Variants in GJB5 observed in about 807,000 individuals in gnomAD.
The protein encoded by GJB5 is gap junction beta-5 protein.
For missense variants in GJB5, 333 were observed against 357.9 expected, an observed-to-expected ratio of 0.93 and a Z score of 0.56; for synonymous variants, 146 against 145.5, an observed-to-expected ratio of 1.00 and a Z score of -0.02.
intron 1 of GJB5, among the ~76,000 whole-genome samples, chr1:34,755,491 G>A (rs1346490002): frequency 6.9e-6 from 1 of 144,350 alleles, no homozygotes; most frequent in African/African-American, 2.8e-5. Context: ...TAAGGGCGGG[G>A]CCTTCCTGGG....
At position 34,757,398 on chromosome 1, in the gene GJB5, T is replaced by G. The variant is rs1431403130; in HGVS notation, c.68T>G (p.Ile23Ser). The change falls in exon 2 of 2, where the codon ATC becomes AGC. Residue 23 changes from isoleucine to serine, a missense_variant. Coordinates refer to ENST00000338513, the MANE Select transcript of GJB5 (RefSeq NM_005268.4). The stretch of plus-strand genomic sequence containing the variant: ...AAGTACTCCACAGCCTTTGGGCGCA[T>G]CTGGCTGTCTCTGGTCTTCATCTTC... ...VNKYSTAFGR[I>S]WLSLVFIFRV... The G allele has an allele frequency of 1.2e-6, 2 of 1,614,184 alleles. No individual in the cohort carries two copies. Among genetic ancestry groups the G allele is most frequent in the Admixed American group, 1.7e-5 (1 of 60,022 alleles).
At position 34,757,357 on chromosome 1, in the gene GJB5, C is replaced by T. The variant is rs1203081774; in HGVS notation, c.27C>T (p.Leu9=). 4.3e-6 allele frequency: 7 copies of T among 1,613,906 alleles called. No individual in the cohort carries two copies. Among genetic ancestry groups the T allele is most frequent in the Non-Finnish European group, 4.2e-6 (5 of 1,179,924 alleles). MNWSIFEG[L]LSGVNKYSTA... is the part of the protein sequence containing the mutation. The stretch of plus-strand genomic sequence containing the variant: ...TGAACTGGAGTATCTTTGAGGGACT[C>T]CTGAGTGGGGTCAACAAGTACTCCA... Residue 9 remains leucine (L), a synonymous_variant, in exon 2 of 2, where the codon CTC becomes CTT. Transcript: ENST00000338513.
In GJB5 at chr1:34,757,496, C is replaced by T. The variant is rs543964631; in HGVS notation, c.166C>T (p.Arg56Cys). Reference protein sequence around the residue: ...DDHKDFDCNTRQPGCSNVCFD... With the variant: ...DDHKDFDCNTCQPGCSNVCFD... ...CCACAAGGACTTCGACTGCAATACT[C>T]GCCAGCCCGGCTGCTCCAACGTCTG... The change falls in exon 2 of 2, where the codon CGC (arginine) becomes TGC (cysteine). Residue 56 changes from arginine (R) to cysteine (C), a missense_variant. Physicochemically the swap from Arg to Cys is radical, Grantham distance 180. Coordinates refer to ENST00000338513, the MANE Select transcript of GJB5 (RefSeq NM_005268.4). 1.8e-4 allele frequency: 296 copies of T among 1,614,162 alleles called. 2 individuals are homozygous for T. The South Asian group carries it at 3.0e-3, about 17-fold the overall frequency.
Position 34,757,431 on chromosome 1 carries a change from T to C in GJB5, c.101T>C (p.Leu34Pro). Residue 34 changes from leucine to proline, a missense_variant, in exon 2 of 2, where the codon CTG becomes CCG. Transcript: ENST00000338513. ...TCTCTGGTCTTCATCTTCCGCGTGCTGGTGTACCTGGTGACGGCCGAGCGT... is the reference window on the plus strand; with the variant it reads ...TCTCTGGTCTTCATCTTCCGCGTGCCGGTGTACCTGGTGACGGCCGAGCGT... ...WLSLVFIFRV[L>P]VYLVTAERVW... The C allele has an allele frequency of 6.2e-7, 1 of 1,614,216 alleles. No homozygotes were observed. The highest frequency in any genetic ancestry group is 1.1e-5 in the South Asian group (1 of 91,084).
In GJB5 at chr1:34,758,008, C is replaced by A. The variant is rs1639629774; in HGVS notation, c.678C>A (p.Cys226Ter). ...CLAARKAQAM[C>*]TGHHPHGTTS... ...CAGCAAGGAAAGCTCAAGCCATGTG[C>A]ACAGGTCATCACCCCCACGGTACCA... Residue 226 changes from cysteine to a stop codon, truncating the protein, a stop_gained, in exon 2 of 2, where the codon TGC (cysteine) becomes TGA (stop). Coordinates refer to ENST00000338513, the MANE Select transcript of GJB5 (RefSeq NM_005268.4). LOFTEE classifies it low-confidence loss of function (END_TRUNC). 6.2e-7 allele frequency: 1 copy of A among 1,613,934 alleles called. No homozygotes were observed. The highest frequency in any genetic ancestry group is 8.5e-7 in the Non-Finnish European group (1 of 1,180,028).
At position 34,757,701 on chromosome 1, in the gene GJB5, G is replaced by C. The variant is rs539119402; in HGVS notation, c.371G>C (p.Arg124Pro). 8.7e-6 allele frequency: 14 copies of C among 1,613,874 alleles called. No individual in the cohort carries two copies. In the African/African-American group the frequency reaches 1.9e-4, roughly 22 times the overall value. ...GRLYLNPGKK[R>P]GGLWWTYVCS... ...CTCTACCTGAACCCCGGCAAGAAGCGGGGTGGGCTCTGGTGGACATATGTC... is the reference window on the plus strand; with the variant it reads ...CTCTACCTGAACCCCGGCAAGAAGCCGGGTGGGCTCTGGTGGACATATGTC... The change falls in exon 2 of 2, where the codon CGG (arginine) becomes CCG (proline). Residue 124 changes from arginine to proline, a missense_variant. Transcript: ENST00000338513.
In GJB5 at chr1:34,757,879, G is replaced by A. The variant is rs544692090; in HGVS notation, c.549G>A (p.Lys183=). Residue 183 remains lysine (K), a synonymous_variant, in exon 2 of 2, where the codon AAG becomes AAA. Transcript: ENST00000338513. ...GCTTCATCTCCAAGCCCTCAGAGAA[G>A]AACATTTTCACCCTCTTCATGGTGG... ...VDCFISKPSE[K]NIFTLFMVAT... The A allele has an allele frequency of 1.2e-6, 2 of 1,613,980 alleles. No individual in the cohort carries two copies. The highest frequency in any genetic ancestry group is 2.2e-5 in the East Asian group (1 of 44,880).
chr1:34,757,814 G>A lies in GJB5; in HGVS notation c.484G>A (p.Val162Ile). 1.2e-6 allele frequency: 2 copies of A among 1,613,908 alleles called. No individual in the cohort carries two copies. The highest frequency in any genetic ancestry group is 1.3e-5 in the African/African-American group (1 of 74,988). The change falls in exon 2 of 2, where the codon GTC becomes ATC. Residue 162 changes from valine (V) to isoleucine (I), a missense_variant. Coordinates refer to ENST00000338513, the MANE Select transcript of GJB5 (RefSeq NM_005268.4). ...CCCCAAATATATCCTCCCTCCTGTGGTCAAGTGCCACGCAGATCCATGTCC... is the reference window on the plus strand; with the variant it reads ...CCCCAAATATATCCTCCCTCCTGTGATCAAGTGCCACGCAGATCCATGTCC... ...FYPKYILPPV[V>I]KCHADPCPNI...
In GJB5 at chr1:34,757,717, G is replaced by A. The variant is rs1414767313; in HGVS notation, c.387G>A (p.Trp129Ter). Residue 129 changes from tryptophan (W) to a stop codon, truncating the protein, a stop_gained, in exon 2 of 2, where the codon TGG (tryptophan) becomes TGA (stop). Coordinates refer to ENST00000338513, the MANE Select transcript of GJB5 (RefSeq NM_005268.4). LOFTEE classifies it low-confidence loss of function (END_TRUNC). ...GCAAGAAGCGGGGTGGGCTCTGGTG[G>A]ACATATGTCTGCAGCCTAGTGTTCA... ...NPGKKRGGLW[W>*]TYVCSLVFKA... 1 of 1,614,004 alleles carries A rather than the reference G, an allele frequency of 6.2e-7. No individual in the cohort carries two copies.
intron 1 of GJB5, among the ~76,000 whole-genome samples, chr1:34,756,491 A>G (rs2124210486): frequency 6.6e-6 from 1 of 152,350 alleles, no homozygotes; most frequent in East Asian, 1.9e-4. Flanking sequence ...TGAGTTTATT[A>G]GCACGGTTGA....
rs1322482430 is a variant in GJB5 at position 34,757,876 on chromosome 1, G to T, written c.546G>T (p.Glu182Asp). The T allele has an allele frequency of 2.5e-6, 4 of 1,613,960 alleles. No homozygotes were observed. Among genetic ancestry groups the T allele is most frequent in the Non-Finnish European group, 3.4e-6 (4 of 1,180,024 alleles). The change falls in exon 2 of 2, where the codon GAG becomes GAT. Residue 182 changes from glutamate to aspartate, a missense_variant. Glu to Asp is a conservative substitution (Grantham distance 45). Coordinates refer to ENST00000338513, the MANE Select transcript of GJB5 (RefSeq NM_005268.4). ...ACTGCTTCATCTCCAAGCCCTCAGA[G>T]AAGAACATTTTCACCCTCTTCATGG... ...IVDCFISKPS[E>D]KNIFTLFMVA... is the part of the protein sequence containing the mutation.
At position 34,757,529 on chromosome 1, in the gene GJB5, G is replaced by T. The variant is rs758858840; in HGVS notation, c.199G>T (p.Glu67Ter). Residue 67 changes from glutamate to a stop codon, truncating the protein, a stop_gained, in exon 2 of 2, where the codon GAG (glutamate) becomes TAG (stop). Transcript: ENST00000338513. LOFTEE classifies it low-confidence loss of function (END_TRUNC). ...CGGCTGCTCCAACGTCTGCTTTGAT[G>T]AGTTCTTCCCTGTGTCCCATGTGCG... ...QPGCSNVCFD[E>*]FFPVSHVRLW... 4 of 1,614,152 alleles carry T rather than the reference G, an allele frequency of 2.5e-6. No homozygotes were observed. Among genetic ancestry groups the T allele is most frequent in the Non-Finnish European group, 2.5e-6 (3 of 1,180,034 alleles).
In GJB5 at chr1:34,757,849, G is replaced by A; in HGVS notation, c.519G>A (p.Val173=). 6.2e-7 allele frequency: 1 copy of A among 1,613,868 alleles called. No individual in the cohort carries two copies. Among genetic ancestry groups the A allele is most frequent in the Non-Finnish European group, 8.5e-7 (1 of 1,179,994 alleles). Residue 173 remains valine, a synonymous_variant, in exon 2 of 2, where the codon GTG becomes GTA. Transcript: ENST00000338513. The part of the protein sequence containing the change: ...KCHADPCPNI[V]DCFISKPSEK... ...ACGCAGATCCATGTCCCAATATAGT[G>A]GACTGCTTCATCTCCAAGCCCTCAG...
Position 34,757,981 on chromosome 1 carries a change from G to A in GJB5, c.651G>A (p.Leu217=), listed in dbSNP as rs772300248. The change falls in exon 2 of 2, where the codon CTG becomes CTA. Residue 217 remains leucine, a synonymous_variant. Coordinates refer to ENST00000338513, the MANE Select transcript of GJB5 (RefSeq NM_005268.4). Reference sequence around the variant, plus strand: ...TGAGCAAGAGATGCCACGAGTGCCTGGCAGCAAGGAAAGCTCAAGCCATGT... The same window carrying A: ...TGAGCAAGAGATGCCACGAGTGCCTAGCAGCAAGGAAAGCTCAAGCCATGT... ...YLVSKRCHEC[L]AARKAQAMCT... 4 of 1,613,904 alleles carry A rather than the reference G, an allele frequency of 2.5e-6. No individual in the cohort carries two copies. The highest frequency in any genetic ancestry group is 3.4e-6 in the Non-Finnish European group (4 of 1,180,014).
Position 34,756,407 on chromosome 1 carries a change from G to A in GJB5, c.-24-900G>A, listed in dbSNP as rs28669990. On this transcript the variant is annotated intron_variant, in intron 1 of 1. Coordinates refer to ENST00000338513, the MANE Select transcript of GJB5 (RefSeq NM_005268.4). Reference sequence around the variant, plus strand: ...CAAGATGATAAATGTTATGTCAGGAGGAAAAGGGCTTCTGTGGGCAAATGA... The same window carrying A: ...CAAGATGATAAATGTTATGTCAGGAAGAAAAGGGCTTCTGTGGGCAAATGA... Among the ~76,000 whole-genome samples the A allele has an allele frequency of 4.1e-3, 628 of 152,338 alleles. 3 individuals carry two copies. Among genetic ancestry groups the A allele is most frequent in the African/African-American group, 0.015 (606 of 41,582 alleles).
chr1:34,758,356 G>A lies in GJB5; in HGVS notation c.*204G>A, dbSNP rs1437580785. The A allele has an allele frequency of 1.7e-6, 1 of 604,284 alleles. No individual in the cohort carries two copies. Among genetic ancestry groups the A allele is most frequent in the African/African-American group, 1.9e-5 (1 of 53,874 alleles). 37.4% of individuals were successfully genotyped at this position (604,284 alleles called of 1,614,324 possible). A position where few individuals can be genotyped will look rare whatever the true frequency, so the allele number is the denominator to read the frequency against. On this transcript the variant is annotated 3_prime_UTR_variant, in exon 2 of 2. Coordinates refer to ENST00000338513, the MANE Select transcript of GJB5 (RefSeq NM_005268.4). ...ACGGCACTGGGCCAGTTCCCCCTCT[G>A]CTCTGCAGCTCGGTTTCCTTTTCTA...
chr1:34,756,652 A>C (rs1639587697), intron 1 of GJB5, among the ~76,000 whole-genome samples: 1 of 152,182 alleles, frequency 6.6e-6, no homozygotes. Context: ...AGGTTACTCT[A>C]GGAAACCTAC....
intron 1 of GJB5, among the ~76,000 whole-genome samples, chr1:34,755,919 T>A (rs1020621642): frequency 2.0e-5 from 3 of 152,220 alleles, no homozygotes; most frequent in African/African-American, 2.4e-5. Context: ...ATAAAAAATA[T>A]GCCCTTTCCT....
intron 1 of GJB5, among the ~76,000 whole-genome samples, chr1:34,755,626 G>A (rs996135885): frequency 1.3e-5 from 2 of 150,712 alleles, no homozygotes; most frequent in African/African-American, 4.8e-5. Context: ...AAGTGGCGCA[G>A]GTGGTGTGGA....
Sources: allele counts gnomAD v4.1 joint callset (sites outside exome capture counted in the v4.1 genomes callset), GRCh38; gene constraint gnomAD v4.1.1; transcripts MANE v1.5; gene names NCBI Gene and HGNC (gene_info 2026-07-23, HGNC 2026-07-21).